Variants in JMJD1C observed in about 807,000 individuals in gnomAD.
JMJD1C encodes jumonji domain containing 1C, also known as jumonji domain-containing protein 1C.
JMJD1C carries 31 observed loss-of-function variants against 245.3 expected under a neutral mutation model. The ratio of observed to expected loss-of-function variants is 0.13; its 90% CI spans 0.09 to 0.17. The LOEUF is 0.17. Among genes scored for constraint, JMJD1C ranks in the 10% least tolerant of loss-of-function variants. JMJD1C has a pLI of 1.00. For missense variants in JMJD1C, 2,691 were observed against 3,000.2 expected (o/e 0.90, Z 2.41); for synonymous variants, 1,057 against 1,017.4 (o/e 1.04, Z -0.74).
At chr10:63,203,346 T>G (rs1361820912) in intron 10 of JMJD1C, 1 of 984,306 alleles carries the variant, frequency 1.0e-6, no homozygotes, top group African/African-American at 1.7e-5. Context: ...ACTCAATGGA[T>G]ACTTCTTCAT....
At chr10:63,326,381 A>AAAATAAATAAATAAAT (rs10630310) in intron 2 of JMJD1C, among the ~76,000 whole-genome samples, 1 of 143,278 alleles carries the variant, frequency 7.0e-6, no homozygotes, top group South Asian at 2.2e-4. Context: ...TTCCATCTCA[A>AAAATAAATAAATAAAT]AAATAAATAA....
chr10:63,338,462 G>A (rs970596033), intron 2 of JMJD1C, among the ~76,000 whole-genome samples: 1 of 151,268 alleles, frequency 6.6e-6, no homozygotes, highest in African/African-American at 2.4e-5. Flanking sequence ...GATTTGTTTT[G>A]TTGTTGTTGC....
rs1441865798 is a variant in JMJD1C at position 63,208,116 on chromosome 10, T to G, written c.3553A>C (p.Ser1185Arg). 5 of 1,614,050 alleles carry G rather than the reference T, an allele frequency of 3.1e-6. No homozygotes were observed. In the Admixed American group the frequency reaches 5.0e-5, roughly 16 times the overall value. Residue 1185 changes from serine to arginine, a missense_variant, in exon 10 of 26, where the codon AGT (serine) becomes CGT (arginine). Physicochemically the swap from Ser to Arg is moderately radical, Grantham distance 110. This residue lies in a region of JMJD1C where 1,562 missense variants were observed against 1,490.7 expected (regional missense o/e 1.05). Coordinates refer to ENST00000399262, the MANE Select transcript of JMJD1C (RefSeq NM_032776.3). ...GAAGAAACTGTCAAATGGGTAGGACTCCTACAATCATTTCTGAAGGTTGTT... is the reference window on the plus strand; with the variant it reads ...GAAGAAACTGTCAAATGGGTAGGACGCCTACAATCATTTCTGAAGGTTGTT... ...SVTTFRNDCR[S>R]PTHLTVSSTN...
chr10:63,218,692 T>C (rs568864114), intron 4 of JMJD1C, among the ~76,000 whole-genome samples: 1 of 152,174 alleles, frequency 6.6e-6, no homozygotes, highest in Non-Finnish European at 1.5e-5. Flanking sequence ...CCTCTAAGGA[T>C]ACAATGCAGA....
At chr10:63,374,877 TA>T (rs1946598558) in intron 2 of JMJD1C, among the ~76,000 whole-genome samples, 1 of 151,492 alleles carries the variant, frequency 6.6e-6, no homozygotes, top group Non-Finnish European at 1.5e-5. Context: ...TTGTACTTGC[TA>T]ATTTGCCAAA....
At chr10:63,196,609 C>T (rs980833292) in intron 13 of JMJD1C, among the ~76,000 whole-genome samples, 1 of 152,046 alleles carries the variant, frequency 6.6e-6, no homozygotes, top group Non-Finnish European at 1.5e-5. Flanking sequence ...GAAAAAAGAG[C>T]GGCCTGAAAT....
At chr10:63,433,553 G>A (rs184328435) in intron 1 of JMJD1C, among the ~76,000 whole-genome samples, 205 of 150,260 alleles carry the variant, frequency 1.4e-3, no homozygotes, top group African/African-American at 4.5e-3. Context: ...AACTCTACTG[G>A]GCAAGAAACA....
rs1177441607 is a variant in JMJD1C at position 63,465,675 on chromosome 10, C to G, written c.-13G>C. 6.2e-7 allele frequency: 1 copy of G among 1,606,798 alleles called. No homozygotes were observed. Among genetic ancestry groups the G allele is most frequent in the Admixed American group, 1.7e-5 (1 of 60,006 alleles). On this transcript the variant is annotated 5_prime_UTR_variant, in exon 1 of 26. Coordinates refer to ENST00000399262, the MANE Select transcript of JMJD1C (RefSeq NM_032776.3). ...TCTCTACCGCCATAGCTGTCGCTGCCGAAGCGGCCGCTGCCTCCTCCAGTG... is the reference window on the plus strand; with the variant it reads ...TCTCTACCGCCATAGCTGTCGCTGCGGAAGCGGCCGCTGCCTCCTCCAGTG...
chr10:63,294,503 C>T (rs1479838699), intron 2 of JMJD1C, among the ~76,000 whole-genome samples: 4 of 152,112 alleles, frequency 2.6e-5, no homozygotes, highest in Non-Finnish European at 5.9e-5. Flanking sequence ...CCAGGATGGT[C>T]TCCATCTCTT....
At chr10:63,479,540 G>GC (rs1953766184) in intron 1 of JMJD1C, among the ~76,000 whole-genome samples, 1 of 152,104 alleles carries the variant, frequency 6.6e-6, no homozygotes, top group Non-Finnish European at 1.5e-5. Flanking sequence ...ACCACACATT[G>GC]CATCTGATTG....
In JMJD1C at chr10:63,501,461, A is replaced by C. The variant is rs144066821; in HGVS notation, n.113+20277T>G. On this transcript the variant is annotated intron_variant and non_coding_transcript_variant, in intron 1 of 3. Coordinates refer to the JMJD1C transcript ENST00000633035. ...AGGTACTAACTCTATTATTCTGTCC[A>C]CATTTTTAAAAATTGTTTTAGTAAG... 3.2e-3 allele frequency among the ~76,000 whole-genome samples: 492 copies of C among 152,284 alleles called. 2 individuals carry two copies. Among genetic ancestry groups the C allele is most frequent in the African/African-American group, 0.011 (477 of 41,568 alleles).
intron 2 of JMJD1C, among the ~76,000 whole-genome samples, chr10:63,379,848 G>T (rs1947067991): frequency 1.3e-5 from 2 of 152,176 alleles, no homozygotes; most frequent in African/African-American, 4.8e-5. Context: ...ATCTCTGCCA[G>T]ATTCATCAGA....
chr10:63,516,234 GA>G (rs35469301), intron 1 of JMJD1C, among the ~76,000 whole-genome samples: 22,191 of 139,074 alleles, frequency 0.16, 3,610 homozygotes, highest in African/African-American at 0.43. Context: ...GACTTTGAGG[GA>G]AAAAAAAAAA....
At chr10:63,301,278 G>C (rs1417794485) in intron 2 of JMJD1C, among the ~76,000 whole-genome samples, 1 of 152,196 alleles carries the variant, frequency 6.6e-6, no homozygotes, top group South Asian at 2.1e-4. Context: ...GCCTACCAAA[G>C]TGCTGGGATG....
At chr10:63,211,823 C>CAAAA (rs59121081) in intron 8 of JMJD1C, among the ~76,000 whole-genome samples, 7 of 77,678 alleles carry the variant, frequency 9.0e-5, no homozygotes, top group African/African-American at 2.1e-4. Context: ...GACTCTGTCT[C>CAAAA]AAAAAAAAAA....
chr10:63,308,384 A>G (rs1938595585), intron 2 of JMJD1C, among the ~76,000 whole-genome samples: 1 of 152,148 alleles, frequency 6.6e-6, no homozygotes, highest in Admixed American at 6.6e-5. Context: ...ACCATCAACT[A>G]AAGTTCAAAA....
In JMJD1C at chr10:63,357,217, A is replaced by T. The variant is rs572804471; in HGVS notation, c.333+23101T>A. On this transcript the variant is annotated intron_variant, in intron 2 of 25. Coordinates refer to ENST00000399262, the MANE Select transcript of JMJD1C (RefSeq NM_032776.3). ...CCCATCTATTTTTTCTATTTTTAGT[A>T]GAGATGGGATTTCACCATGTTGGCC... is the stretch of plus-strand genomic sequence containing the variant. Among the ~76,000 whole-genome samples, 41 of 152,220 alleles carry T rather than the reference A, an allele frequency of 2.7e-4. No individual in the cohort carries two copies. In the South Asian group the frequency reaches 6.6e-3, roughly 25 times the overall value.
At chr10:63,486,138 A>T (rs1442476980) in intron 1 of JMJD1C, among the ~76,000 whole-genome samples, 3 of 9,852 alleles carry the variant, frequency 3.0e-4, no homozygotes, top group Middle Eastern at 0.1. Context: ...AAGCAATTGT[A>T]AAAAAAAAAA....
chr10:63,474,993 T>C lies in JMJD1C; in HGVS notation n.113+46745A>G, dbSNP rs535379946. Reference sequence around the variant, plus strand: ...CCATGGGGGTGGGTAGTATTGACTGTGAAGTGGCATGAAGGTGCTGGAAAT... The same window carrying C: ...CCATGGGGGTGGGTAGTATTGACTGCGAAGTGGCATGAAGGTGCTGGAAAT... On this transcript the variant is annotated intron_variant and non_coding_transcript_variant, in intron 1 of 3. Coordinates refer to the JMJD1C transcript ENST00000633035. Among the ~76,000 whole-genome samples, 12 of 152,276 alleles carry C rather than the reference T, an allele frequency of 7.9e-5. No homozygotes were observed. The East Asian group carries it at 2.3e-3, about 29-fold the overall frequency.
Sources: allele counts gnomAD v4.1 joint callset (sites outside exome capture counted in the v4.1 genomes callset), GRCh38; gene constraint gnomAD v4.1.1; regional missense constraint gnomAD v4.1.1; transcripts MANE v1.5; gene names NCBI Gene and HGNC (gene_info 2026-07-23, HGNC 2026-07-21).